FAM110B: variants seen among roughly 807,000 people sequenced by gnomAD.
FAM110B encodes the protein family with sequence similarity 110 member B, also known as protein FAM110B.
A neutral mutation model predicts 20.4 loss-of-function variants in FAM110B; 6 were observed. The observed-to-expected ratio is 0.29, with a 90% CI of 0.16 to 0.58. The LOEUF is 0.58. Among genes scored for constraint, FAM110B ranks in the 20% least tolerant of loss-of-function variants. The pLI, the probability that FAM110B is intolerant of heterozygous loss-of-function variation, is 0.90. For synonymous variants in FAM110B, 226 were observed against 214.1 expected (o/e 1.06, Z -0.49); for missense variants, 434 against 498.2 (o/e 0.87, Z 1.23).
chr8:58,100,002 C>A (rs545488136), intron 3 of FAM110B, among the ~76,000 whole-genome samples: 1 of 152,154 alleles, frequency 6.6e-6, no homozygotes, highest in Non-Finnish European at 1.5e-5. Flanking sequence ...AATTTGCCCA[C>A]TCTTTCTGCC....
At chr8:58,018,652 A>T (rs970927691) in intron 1 of FAM110B, among the ~76,000 whole-genome samples, 2 of 152,010 alleles carry the variant, frequency 1.3e-5, no homozygotes, top group East Asian at 1.9e-4. Context: ...TTTTAAGTCT[A>T]TTACCCTATT....
chr8:58,030,080 T>G (rs1804934953), intron 1 of FAM110B, among the ~76,000 whole-genome samples: 1 of 152,212 alleles, frequency 6.6e-6, no homozygotes, highest in South Asian at 2.1e-4. Flanking sequence ...ACCTTTTGCT[T>G]TGTTATATGG....
At chr8:58,075,269 T>TGTGTGTGTGTGTGTGTGTG (rs1554521049) in intron 2 of FAM110B, among the ~76,000 whole-genome samples, 1,428 of 122,282 alleles carry the variant, frequency 0.012, 21 homozygotes, top group African/African-American at 0.058. Context: ...TTGCTTTTTT[T>TGTGTGTGTGTGTGTGTGTG]TTTTTTTGTG....
chr8:58,133,251 G>A (rs530043751), intron 3 of FAM110B, among the ~76,000 whole-genome samples: 6 of 150,104 alleles, frequency 4.0e-5, no homozygotes, highest in Admixed American at 2.0e-4. Context: ...TGGGGAGGCC[G>A]GTAAGTGAAC....
chr8:58,090,395 A>C (rs1806446137), intron 3 of FAM110B, among the ~76,000 whole-genome samples: 1 of 152,206 alleles, frequency 6.6e-6, no homozygotes, highest in Non-Finnish European at 1.5e-5. Context: ...TCCTAAGCTC[A>C]GGCAGTTTGC....
intron 1 of FAM110B, among the ~76,000 whole-genome samples, chr8:58,000,544 C>T (rs1804271273): frequency 6.6e-6 from 1 of 152,036 alleles, no homozygotes; most frequent in Non-Finnish European, 1.5e-5. Flanking sequence ...AATAAAATGC[C>T]AAGATTTATC....
At position 58,029,487 on chromosome 8, in the gene FAM110B, G is replaced by A. The variant is rs1231265153; in HGVS notation, c.-511-2119G>A. Among the ~76,000 whole-genome samples, 4 of 152,152 alleles carry A rather than the reference G, an allele frequency of 2.6e-5. No individual in the cohort carries two copies. In the East Asian group the frequency reaches 7.7e-4, roughly 29 times the overall value. The stretch of plus-strand genomic sequence containing the variant: ...ATAACTTTTAACAGTGGGTTATATT[G>A]ACAGAAAGTTGAGTTGACTCGTGAT... On this transcript the variant is annotated intron_variant, in intron 1 of 3. Coordinates refer to ENST00000519262, the MANE Select transcript of FAM110B (RefSeq NM_001377989.1).
chr8:58,120,389 A>T (rs1458435569), intron 3 of FAM110B, among the ~76,000 whole-genome samples: 1 of 151,490 alleles, frequency 6.6e-6, no homozygotes, highest in Non-Finnish European at 1.5e-5. Context: ...CGTCTTCCTG[A>T]TCCAGCCCCT....
chr8:57,995,068 C>A (rs577398954), intron 1 of FAM110B, among the ~76,000 whole-genome samples: 1 of 152,254 alleles, frequency 6.6e-6, no homozygotes, highest in Non-Finnish European at 1.5e-5. Flanking sequence ...CCCCGCGCCC[C>A]CTCTGCGCTC....
chr8:58,010,142 G>A (rs973976996), intron 1 of FAM110B, among the ~76,000 whole-genome samples: 11 of 151,362 alleles, frequency 7.3e-5, no homozygotes, highest in African/African-American at 2.4e-4. Flanking sequence ...TCAGCCTCCC[G>A]AGTAGCTGGG....
At chr8:58,145,663 C>G (rs893756349) in intron 3 of FAM110B, among the ~76,000 whole-genome samples, 1 of 152,246 alleles carries the variant, frequency 6.6e-6, no homozygotes, top group Non-Finnish European at 1.5e-5. Flanking sequence ...GAAGAGTTCG[C>G]GCGTGGGAAA....
chr8:57,996,101 A>C (rs984127718), intron 1 of FAM110B, among the ~76,000 whole-genome samples: 1 of 152,224 alleles, frequency 6.6e-6, no homozygotes, highest in Non-Finnish European at 1.5e-5. Context: ...CAGGTAAGCT[A>C]TTTATTAAGC....
intron 1 of FAM110B, among the ~76,000 whole-genome samples, chr8:58,025,366 A>C (rs539286258): frequency 8.5e-5 from 13 of 152,290 alleles, no homozygotes; most frequent in African/African-American, 2.6e-4. Flanking sequence ...TAGCATGTGC[A>C]CAGTGGGAAG....
rs191365830 is a variant in FAM110B at position 58,040,089 on chromosome 8, C to T, written c.-414+8386C>T. Among the ~76,000 whole-genome samples, 719 of 152,172 alleles carry T rather than the reference C, an allele frequency of 4.7e-3. 31 individuals carry two copies. The highest frequency in any genetic ancestry group is 0.044 in the Admixed American group (679 of 15,292). On this transcript the variant is annotated intron_variant, in intron 2 of 3. Coordinates refer to ENST00000519262, the MANE Select transcript of FAM110B (RefSeq NM_001377989.1). ...CTGGCCTTGAACTCCTGACCTCAGG[C>T]GATCCTCCCTTCTCTGCCTCCCAAA...
chr8:58,094,586 A>G (rs1806572106), intron 3 of FAM110B, among the ~76,000 whole-genome samples: 1 of 152,160 alleles, frequency 6.6e-6, no homozygotes, highest in Non-Finnish European at 1.5e-5. Context: ...GCCTTGCATC[A>G]CAGGGATGAA....
chr8:58,124,718 G>A (rs557811983), intron 3 of FAM110B, among the ~76,000 whole-genome samples: 1 of 152,158 alleles, frequency 6.6e-6, no homozygotes, highest in East Asian at 1.9e-4. Context: ...AGCGTATGTT[G>A]TTTTCAAAAC....
At chr8:58,081,271 AC>A (rs1806183814) in intron 3 of FAM110B, among the ~76,000 whole-genome samples, 1 of 152,076 alleles carries the variant, frequency 6.6e-6, no homozygotes, top group African/African-American at 2.4e-5. Flanking sequence ...CAGTGGCACA[AC>A]CTCAGCTTAC....
intron 1 of FAM110B, among the ~76,000 whole-genome samples, chr8:58,028,834 C>A (rs1239112748): frequency 6.6e-6 from 1 of 152,118 alleles, no homozygotes. Flanking sequence ...TTTATTTCTG[C>A]GGAATCTGTC....
chr8:58,062,364 T>C (rs1805674340), intron 2 of FAM110B, among the ~76,000 whole-genome samples: 1 of 152,236 alleles, frequency 6.6e-6, no homozygotes. Flanking sequence ...TTACATACTT[T>C]ATAGTACAGA....
Sources: allele counts gnomAD v4.1 joint callset (sites outside exome capture counted in the v4.1 genomes callset), GRCh38; gene constraint gnomAD v4.1.1; transcripts MANE v1.5; gene names NCBI Gene and HGNC (gene_info 2026-07-23, HGNC 2026-07-21).